RMC1: variants seen among roughly 807,000 people sequenced by gnomAD.
RMC1 encodes the protein regulator of MON1-CCZ1.
Under a neutral mutation model 95.5 loss-of-function variants are expected in RMC1, and 44 were observed. The observed-to-expected ratio is 0.46, with a 90% CI of 0.36 to 0.59. RMC1 has a LOEUF of 0.59. RMC1 is among the 20% of genes least tolerant of loss of function. RMC1 has a pLI of 0.00. For missense variants in RMC1, 705 were observed against 819.6 expected (o/e 0.86, Z 1.71); for synonymous variants, 320 against 303.6 (o/e 1.05, Z -0.56).
At chr18:23,531,568 T>G in intron 19 of RMC1, 57 bp from the exon 20 acceptor site, 3 of 1,589,726 alleles carry the variant, frequency 1.9e-6, no homozygotes, top group South Asian at 1.2e-5. Context: ...CGAGATGCTT[T>G]CTTTGTCCCT....
In RMC1 at chr18:23,509,236, C is replaced by T. The variant is rs2057787179; in HGVS notation, c.365C>T (p.Thr122Ile). The T allele has an allele frequency of 6.8e-7, 1 of 1,466,472 alleles. No individual in the cohort carries two copies. Among genetic ancestry groups the T allele is most frequent in the African/African-American group, 1.5e-5 (1 of 68,936 alleles). 90.8% of individuals were successfully genotyped at this position (1,466,472 alleles called of 1,614,324 possible). Residue 122 changes from threonine to isoleucine, a missense_variant, in exon 5 of 20, where the codon ACT (threonine) becomes ATT (isoleucine). By Grantham distance (89) the Thr-to-Ile change is moderately conservative. Transcript: ENST00000269221. ...CTAGGATTCTGCTGGACTAGTTCAA[C>T]TGAAATTGTCTTCATAACAGATCAA... ...NILGFCWTSS[T>I]EIVFITDQGI...
intron 3 of RMC1, 51 bp downstream of exon 3, chr18:23,507,105 G>A (rs1450687980): frequency 7.7e-7 from 1 of 1,306,230 alleles, no homozygotes; most frequent in East Asian, 2.4e-5. Context: ...AAATACATTT[G>A]GAAGAGAAGG....
chr18:23,508,121 G>T (rs2057759147), intron 4 of RMC1, 80 bp downstream of exon 4: 7 of 1,270,400 alleles, frequency 5.5e-6, no homozygotes, highest in South Asian at 3.6e-5. Context: ...GGGCATTGGG[G>T]TCGCAGGGAG....
intron 19 of RMC1, among the ~76,000 whole-genome samples, chr18:23,531,017 C>CAG (rs766183566): frequency 2.0e-5 from 3 of 151,678 alleles, no homozygotes; most frequent in Non-Finnish European, 2.9e-5. Context: ...TTTTTTGAGA[C>CAG]AGAGTCTCGC....
chr18:23,526,418 C>T (rs1294055688), intron 12 of RMC1, among the ~76,000 whole-genome samples: 1 of 152,148 alleles, frequency 6.6e-6, no homozygotes, highest in African/African-American at 2.4e-5. Flanking sequence ...GCCAGGTGTG[C>T]GGTGGTTGGG....
intron 19 of RMC1, 93 bp downstream of exon 19, chr18:23,530,705 T>C (rs1027065215): frequency 5.8e-5 from 72 of 1,233,570 alleles, no homozygotes; most frequent in Non-Finnish European, 7.9e-5. Context: ...TGGGTTAGCA[T>C]TTTTGTAAAC....
intron 12 of RMC1, among the ~76,000 whole-genome samples, chr18:23,524,858 G>A (rs1166871820): frequency 6.7e-6 from 1 of 150,064 alleles, no homozygotes; most frequent in Non-Finnish European, 1.5e-5. Flanking sequence ...CCCGGGAGGT[G>A]TGCTCCTCTT....
At chr18:23,523,730 A>AT (rs1479429524) in intron 10 of RMC1, among the ~76,000 whole-genome samples, 7 of 152,074 alleles carry the variant, frequency 4.6e-5, no homozygotes, top group Non-Finnish European at 1.0e-4. Flanking sequence ...TTAAAGAAAA[A>AT]AAAAGATAAT....
In RMC1 at chr18:23,516,390, G is replaced by A; in HGVS notation, c.620G>A (p.Ser207Asn). Residue 207 changes from serine (S) to asparagine (N), a missense_variant, in exon 7 of 20, where the codon AGC becomes AAC. Ser to Asn is a conservative substitution (Grantham distance 46, BLOSUM62 1). Transcript: ENST00000269221. The stretch of plus-strand genomic sequence containing the variant: ...GCTGCGCCTAAGTCAACTAAACCCA[G>A]CCTTTCCGAAAGAGACATCGCAATG... ...LPAAPKSTKP[S>N]LSERDIAMAT... is the part of the protein sequence containing the mutation. 1 of 1,614,224 alleles carries A rather than the reference G, an allele frequency of 6.2e-7. No individual in the cohort carries two copies. The highest frequency in any genetic ancestry group is 1.3e-5 in the African/African-American group (1 of 75,046).
At chr18:23,516,826 A>G (rs529377011) in intron 7 of RMC1, among the ~76,000 whole-genome samples, 21 of 151,682 alleles carry the variant, frequency 1.4e-4, no homozygotes, top group Non-Finnish European at 2.1e-4. Context: ...CCCAGGCTCA[A>G]ACGATTCTTC....
chr18:23,523,459 G>A (rs2058197532), intron 10 of RMC1, among the ~76,000 whole-genome samples: 1 of 143,240 alleles, frequency 7.0e-6, no homozygotes, highest in Non-Finnish European at 1.5e-5. Context: ...GCCTGTAATC[G>A]CAGCATGTTG....
chr18:23,503,743 C>G (rs901452511), intron 1 of RMC1, 23 bp downstream of exon 1: 1 of 1,577,876 alleles, frequency 6.3e-7, no homozygotes, highest in Non-Finnish European at 8.6e-7. Flanking sequence ...CGCGCTTCCT[C>G]CCCCGCGCGG....
chr18:23,513,103 G>A (rs755069141), intron 5 of RMC1, among the ~76,000 whole-genome samples: 7 of 151,994 alleles, frequency 4.6e-5, no homozygotes, highest in East Asian at 1.9e-4. Context: ...ACAGGTGTGC[G>A]CCACCACGCC....
intron 2 of RMC1, 75 bp from the exon 3 acceptor site, chr18:23,506,895 T>G (rs2057730592): frequency 3.9e-6 from 4 of 1,023,560 alleles, no homozygotes; most frequent in Non-Finnish European, 6.0e-6. Flanking sequence ...ATAGATTGTG[T>G]CTTTTGCCTT....
chr18:23,505,521 A>G (rs537203753), intron 2 of RMC1, among the ~76,000 whole-genome samples: 2 of 152,300 alleles, frequency 1.3e-5, no homozygotes, highest in African/African-American at 4.8e-5. Context: ...ATATTCTCCT[A>G]TGAAATTAGA....
chr18:23,524,172 T>C lies in RMC1; in HGVS notation c.1004T>C (p.Leu335Pro). Residue 335 changes from leucine to proline, a missense_variant and splice_region_variant, in exon 11 of 20, where the codon CTC (leucine) becomes CCC (proline). Transcript: ENST00000269221. ...VTSQSPVPCK[L>P]YSSSWIVFQP... ...AGCCAGTCTCCTGTTCCATGTAAAC[T>C]CTGTATCCTTTACTAAGGTGTGGCA... The C allele has an allele frequency of 6.2e-7, 1 of 1,613,766 alleles. No individual in the cohort carries two copies. Among genetic ancestry groups the C allele is most frequent in the Non-Finnish European group, 8.5e-7 (1 of 1,180,032 alleles).
chr18:23,517,442 C>T (rs934520317), intron 7 of RMC1, among the ~76,000 whole-genome samples: 1 of 152,176 alleles, frequency 6.6e-6, no homozygotes, highest in Non-Finnish European at 1.5e-5. Context: ...GCCACCACGC[C>T]TGGCAGTACG....
In RMC1 at chr18:23,509,249, C is replaced by G; in HGVS notation, c.378C>G (p.Phe126Leu). ...GGACTAGTTCAACTGAAATTGTCTT[C>G]ATAACAGATCAAGGAATCGAATTTT... ...FCWTSSTEIV[F>L]ITDQGIEFYQ... Residue 126 changes from phenylalanine (F) to leucine (L), a missense_variant, in exon 5 of 20, where the codon TTC (phenylalanine) becomes TTG (leucine). Physicochemically the swap from Phe to Leu is conservative, Grantham distance 22. Transcript: ENST00000269221. 6.2e-6 allele frequency: 9 copies of G among 1,454,982 alleles called. No homozygotes were observed. Among genetic ancestry groups the G allele is most frequent in the Non-Finnish European group, 8.2e-6 (9 of 1,099,846 alleles). 90.1% of individuals were successfully genotyped at this position (1,454,982 alleles called of 1,614,324 possible).
At chr18:23,505,730 G>T (rs2057697230) in intron 2 of RMC1, among the ~76,000 whole-genome samples, 1 of 152,156 alleles carries the variant, frequency 6.6e-6, no homozygotes. Context: ...CATTGCATAG[G>T]CAATCAAGGG....
Sources: gnomAD v4.1 joint callset for allele counts (sites outside exome capture counted in the v4.1 genomes callset) on GRCh38, gnomAD v4.1.1 for gene constraint, MANE v1.5 for transcripts, NCBI Gene and HGNC (gene_info 2026-07-23, HGNC 2026-07-21) for gene names.